PPP1R9A: variants seen among roughly 807,000 people sequenced by gnomAD.
PPP1R9A encodes protein phosphatase 1 regulatory subunit 9A.
In PPP1R9A, 59 loss-of-function variants were observed where a neutral mutation model predicts 141.9. The observed-to-expected ratio is 0.42, with a 90% CI of 0.34 to 0.52. The LOEUF is 0.52. Ranked by LOEUF, PPP1R9A falls within the 20% of genes least tolerant of loss-of-function variation. The probability of loss-of-function intolerance (pLI) is 0.10; values close to 1 mark genes in which losing one functional copy is unlikely to be tolerated. For missense variants in PPP1R9A, 1,444 were observed against 1,611.9 expected (o/e 0.90, Z 1.78); for synonymous variants, 500 against 569.7 (o/e 0.88, Z 1.74).
At chr7:95,222,820 C>T (rs1255008511) in intron 7 of PPP1R9A, among the ~76,000 whole-genome samples, 4 of 151,944 alleles carry the variant, frequency 2.6e-5, no homozygotes, top group East Asian at 3.9e-4. Context: ...TCTAATTTTG[C>T]GGTTTACAAC....
At position 95,146,171 on chromosome 7, in the gene PPP1R9A, G is replaced by A. The variant is rs1320397927; in HGVS notation, c.1650-15696G>A. Among the ~76,000 whole-genome samples, 5 of 152,226 alleles carry A rather than the reference G, an allele frequency of 3.3e-5. No individual in the cohort carries two copies. The South Asian group carries it at 8.3e-4, about 25-fold the overall frequency. On this transcript the variant is annotated intron_variant, in intron 4 of 19. Coordinates refer to ENST00000433360, the MANE Select transcript of PPP1R9A (RefSeq NM_001166160.2). The stretch of plus-strand genomic sequence containing the variant: ...TCTGCTCCAGCATCTGTTGTTTCCC[G>A]ACTTTTTAATGATTGCCATTCTTAC...
At chr7:95,142,893 T>A (rs939367794) in intron 4 of PPP1R9A, among the ~76,000 whole-genome samples, 2 of 152,068 alleles carry the variant, frequency 1.3e-5, no homozygotes, top group Admixed American at 1.3e-4. Context: ...ATGTGTTATA[T>A]ATATTATTTA....
intron 2 of PPP1R9A, among the ~76,000 whole-genome samples, chr7:94,968,195 CG>C (rs1798430228): frequency 1.3e-5 from 2 of 151,552 alleles, no homozygotes; most frequent in Middle Eastern, 3.4e-3. Flanking sequence ...TTTTTTGAGA[CG>C]GAGTCTCGCT....
chr7:94,980,497 G>T (rs769874733), intron 2 of PPP1R9A, among the ~76,000 whole-genome samples: 1 of 151,938 alleles, frequency 6.6e-6, no homozygotes, highest in African/African-American at 2.4e-5. Context: ...TCACTCTGTC[G>T]CTCAGGCTAG....
chr7:95,130,737 C>T (rs1824439872), intron 4 of PPP1R9A, among the ~76,000 whole-genome samples: 1 of 152,140 alleles, frequency 6.6e-6, no homozygotes. Context: ...TATCATGTGA[C>T]CTGGATGTGA....
At chr7:94,971,510 A>G (rs762875241) in intron 2 of PPP1R9A, among the ~76,000 whole-genome samples, 9 of 152,210 alleles carry the variant, frequency 5.9e-5, no homozygotes, top group Non-Finnish European at 8.8e-5. Flanking sequence ...CTTAACTCTT[A>G]TTTAGACTAT....
chr7:95,081,974 CA>C (rs1363342446), intron 2 of PPP1R9A, among the ~76,000 whole-genome samples: 1 of 152,172 alleles, frequency 6.6e-6, no homozygotes, highest in Non-Finnish European at 1.5e-5. Context: ...GCAGCCACTT[CA>C]GGGGGCTTAT....
chr7:95,190,130 G>T (rs1020750007), intron 5 of PPP1R9A, among the ~76,000 whole-genome samples: 1 of 152,078 alleles, frequency 6.6e-6, no homozygotes, highest in African/African-American at 2.4e-5. Flanking sequence ...TTACTTTTCC[G>T]ATTCCTTCTC....
chr7:94,944,541 G>A (rs1795694686), intron 2 of PPP1R9A, among the ~76,000 whole-genome samples: 1 of 150,518 alleles, frequency 6.6e-6, no homozygotes, highest in African/African-American at 2.4e-5. Flanking sequence ...ACTTAAGGGG[G>A]AAGAGGGCAC....
intron 2 of PPP1R9A, among the ~76,000 whole-genome samples, chr7:95,042,038 A>C (rs1203474377): frequency 6.6e-6 from 1 of 152,132 alleles, no homozygotes; most frequent in Non-Finnish European, 1.5e-5. Flanking sequence ...AGAGGGTCCT[A>C]CCATCCATCT....
chr7:94,978,969 G>A (rs886848204), intron 2 of PPP1R9A, among the ~76,000 whole-genome samples: 1 of 152,088 alleles, frequency 6.6e-6, no homozygotes, highest in Non-Finnish European at 1.5e-5. Flanking sequence ...GCTAATTTTT[G>A]TATTTTTGGT....
chr7:95,219,572 T>G (rs1305827251), intron 7 of PPP1R9A, among the ~76,000 whole-genome samples: 2 of 152,138 alleles, frequency 1.3e-5, no homozygotes, highest in Non-Finnish European at 2.9e-5. Flanking sequence ...GTTTTCCAAC[T>G]TGGTTCCATT....
chr7:94,995,068 G>GT lies in PPP1R9A; in HGVS notation c.1395+83561dup, dbSNP rs200192417. Among the ~76,000 whole-genome samples the GT allele has an allele frequency of 5.7e-3, 865 of 152,132 alleles. 8 individuals are homozygous for GT. Among genetic ancestry groups the GT allele is most frequent in the African/African-American group, 0.02 (815 of 41,512 alleles). ...CCAGCTTTTATGTATCTGAAAAAAA[G>GT]TATTTTTCTTGCCTTTATTTTTGAA... On this transcript the variant is annotated intron_variant, in intron 2 of 19. Coordinates refer to ENST00000433360, the MANE Select transcript of PPP1R9A (RefSeq NM_001166160.2).
At chr7:95,230,683 G>A (rs907158562) in intron 8 of PPP1R9A, among the ~76,000 whole-genome samples, 2 of 152,130 alleles carry the variant, frequency 1.3e-5, no homozygotes, top group African/African-American at 4.8e-5. Context: ...AAAATAATTA[G>A]TGTTCCTGAG....
At chr7:95,024,966 G>A (rs1486130318) in intron 2 of PPP1R9A, among the ~76,000 whole-genome samples, 1 of 152,128 alleles carries the variant, frequency 6.6e-6, no homozygotes, top group Non-Finnish European at 1.5e-5. Flanking sequence ...TTGTAAGGCA[G>A]GCCTGGTTGT....
At chr7:94,994,722 C>T (rs1413739513) in intron 2 of PPP1R9A, among the ~76,000 whole-genome samples, 4 of 151,782 alleles carry the variant, frequency 2.6e-5, no homozygotes, top group Non-Finnish European at 4.4e-5. Flanking sequence ...GGTGAAACCC[C>T]GTCTTTACTA....
intron 2 of PPP1R9A, among the ~76,000 whole-genome samples, chr7:94,923,055 T>C (rs945461085): frequency 2.4e-4 from 37 of 152,330 alleles, no homozygotes; most frequent in African/African-American, 8.9e-4. Context: ...AGAAAATGGA[T>C]GAACTTTTGA....
intron 4 of PPP1R9A, among the ~76,000 whole-genome samples, chr7:95,125,633 G>A (rs1823428154): frequency 6.6e-6 from 1 of 152,096 alleles, no homozygotes; most frequent in African/African-American, 2.4e-5. Flanking sequence ...ATAATGCTGT[G>A]CTAAATTAGA....
intron 4 of PPP1R9A, among the ~76,000 whole-genome samples, chr7:95,127,844 T>G (rs1424479596): frequency 1.3e-5 from 2 of 152,204 alleles, no homozygotes; most frequent in African/African-American, 2.4e-5. Context: ...GTGAAGGACA[T>G]GATTTCATTC....
Sources: gnomAD v4.1 joint callset for allele counts (sites outside exome capture counted in the v4.1 genomes callset) on GRCh38, gnomAD v4.1.1 for gene constraint, MANE v1.5 for transcripts, NCBI Gene and HGNC (gene_info 2026-07-23, HGNC 2026-07-21) for gene names.